PXDNL: variants seen among roughly 807,000 people sequenced by gnomAD.
PXDNL encodes the protein peroxidasin like, also known as probable oxidoreductase PXDNL.
PXDNL carries 145 observed loss-of-function variants against 150.8 expected under a neutral mutation model. The ratio of observed to expected loss-of-function variants is 0.96; its 90% CI spans 0.84 to 1.10. PXDNL has a LOEUF of 1.10. PXDNL is among the 50% of genes least tolerant of loss of function. The probability of loss-of-function intolerance (pLI) is 0.00; values close to 1 mark genes in which losing one functional copy is unlikely to be tolerated. For synonymous variants in PXDNL, 757 were observed against 725.7 expected (o/e 1.04, Z -0.69); for missense variants, 2,087 against 1,873.9 (o/e 1.11, Z -2.10).
intron 18 of PXDNL, among the ~76,000 whole-genome samples, chr8:51,374,000 T>C (rs1807216272): frequency 6.6e-6 from 1 of 152,246 alleles, no homozygotes. Context: ...ATTTCATGAT[T>C]AAATTTATTT....
At position 51,525,440 on chromosome 8, in the gene PXDNL, T is replaced by G. The variant is rs79222930; in HGVS notation, c.381-25670A>C. The stretch of plus-strand genomic sequence containing the variant: ...TAACATTTGTCACTGCCCCTCGGTC[T>G]GCTTCGCTCTCTATCTGTAATCACA... On this transcript the variant is annotated intron_variant, in intron 4 of 22. Coordinates refer to ENST00000356297, the MANE Select transcript of PXDNL (RefSeq NM_144651.5). 7.4e-4 allele frequency among the ~76,000 whole-genome samples: 113 copies of G among 152,348 alleles called. No homozygotes were observed. The East Asian group carries it at 0.011, about 15-fold the overall frequency.
intron 21 of PXDNL, among the ~76,000 whole-genome samples, chr8:51,339,212 C>G (rs1173581382): frequency 6.6e-6 from 1 of 152,232 alleles, no homozygotes; most frequent in Non-Finnish European, 1.5e-5. Context: ...GTAATCCCAG[C>G]ACTTTGGGAG....
chr8:51,645,481 C>G (rs866204644), intron 2 of PXDNL, among the ~76,000 whole-genome samples: 4 of 152,116 alleles, frequency 2.6e-5, no homozygotes, highest in Non-Finnish European at 5.9e-5. Context: ...GCTTGAGGAG[C>G]TGGTAAAAAG....
Position 51,457,506 on chromosome 8 carries a change from C to T in PXDNL, c.974G>A (p.Ser325Asn). 1 of 1,606,772 alleles carries T rather than the reference C, an allele frequency of 6.2e-7. No homozygotes were observed. Among genetic ancestry groups the T allele is most frequent in the South Asian group, 1.1e-5 (1 of 89,274 alleles). ...KTQSAMLRYS[S>N]LPAKPSFVIQ... ...GAAAATAATAGTTTTACCTGGAAGA[C>T]TGGAGTATCTGAGCATGGCACTCTG... The change falls in exon 9 of 23, where the codon AGT becomes AAT. Residue 325 changes from serine (S) to asparagine (N), a missense_variant. Physicochemically the swap from Ser to Asn is conservative, Grantham distance 46 (BLOSUM62 1). Coordinates refer to ENST00000356297, the MANE Select transcript of PXDNL (RefSeq NM_144651.5).
chr8:51,662,746 A>G (rs1202637240), intron 1 of PXDNL, among the ~76,000 whole-genome samples: 3 of 152,052 alleles, frequency 2.0e-5, no homozygotes, highest in African/African-American at 7.2e-5. Context: ...CCAGGGACCA[A>G]TCCCCCTCAG....
At chr8:51,396,718 A>G (rs895881865) in intron 17 of PXDNL, among the ~76,000 whole-genome samples, 6 of 152,214 alleles carry the variant, frequency 3.9e-5, no homozygotes, top group African/African-American at 1.4e-4. Flanking sequence ...AGATTGCACC[A>G]TTGCATTCCA....
chr8:51,340,784 G>A (rs1174646918), intron 20 of PXDNL, among the ~76,000 whole-genome samples: 1 of 152,234 alleles, frequency 6.6e-6, no homozygotes, highest in Non-Finnish European at 1.5e-5. Flanking sequence ...CCATGAATCA[G>A]TACTGACCAC....
intron 4 of PXDNL, among the ~76,000 whole-genome samples, chr8:51,553,335 T>C (rs1272304772): frequency 6.6e-6 from 1 of 152,222 alleles, no homozygotes; most frequent in Admixed American, 6.5e-5. Flanking sequence ...TGTACTCGTA[T>C]GGACTGTCTG....
At chr8:51,583,252 C>A (rs528608692) in intron 3 of PXDNL, among the ~76,000 whole-genome samples, 1 of 152,004 alleles carries the variant, frequency 6.6e-6, no homozygotes, top group Admixed American at 6.6e-5. Context: ...AGGAACATGG[C>A]GCCAGCATCT....
At chr8:51,796,386 G>A (rs577798797) in intron 1 of PXDNL, among the ~76,000 whole-genome samples, 11 of 146,484 alleles carry the variant, frequency 7.5e-5, no homozygotes, top group African/African-American at 1.5e-4. Flanking sequence ...GAATACACGA[G>A]CTGGTGTTTT....
intron 1 of PXDNL, among the ~76,000 whole-genome samples, chr8:51,796,905 T>G (rs1410733448): frequency 6.6e-6 from 1 of 152,052 alleles, no homozygotes; most frequent in Non-Finnish European, 1.5e-5. Flanking sequence ...CCTTGATGAG[T>G]ATCAATGCAA....
At chr8:51,683,662 A>T (rs1459452969) in intron 1 of PXDNL, among the ~76,000 whole-genome samples, 1 of 152,014 alleles carries the variant, frequency 6.6e-6, no homozygotes, top group Non-Finnish European at 1.5e-5. Context: ...CTCCCCTAAG[A>T]GGTGGTTTTT....
chr8:51,541,795 A>G lies in PXDNL; in HGVS notation c.380+15045T>C, dbSNP rs77257101. 2.2e-3 allele frequency among the ~76,000 whole-genome samples: 331 copies of G among 152,256 alleles called. 1 individual carries two copies. The highest frequency in any genetic ancestry group is 7.5e-3 in the African/African-American group (312 of 41,552). On this transcript the variant is annotated intron_variant, in intron 4 of 22. Transcript: ENST00000356297. Reference sequence around the variant, plus strand: ...CTGGAAAACACCAGAGAAAACTCACAGAGATCACCCCGTGTGTCCCTTCCC... The same window carrying G: ...CTGGAAAACACCAGAGAAAACTCACGGAGATCACCCCGTGTGTCCCTTCCC...
intron 17 of PXDNL, among the ~76,000 whole-genome samples, chr8:51,379,106 T>A (rs535171135): frequency 1.2e-4 from 18 of 152,308 alleles, no homozygotes; most frequent in African/African-American, 3.8e-4. Flanking sequence ...GAGATTTTTT[T>A]AATTAGTTTC....
rs567880285 is a variant in PXDNL, at chr8:51,445,014, C to G, written c.1525+1990G>C. ...CTCCACCTCCCAGGTTCAAACGATT[C>G]TCCCTCCTCAGCCTCCCACCTCAGC... On this transcript the variant is annotated intron_variant, in intron 12 of 22. Transcript: ENST00000356297. Among the ~76,000 whole-genome samples, 6 of 151,948 alleles carry G rather than the reference C, an allele frequency of 3.9e-5. No individual in the cohort carries two copies. In the East Asian group the frequency reaches 1.2e-3, roughly 29 times the overall value.
intron 1 of PXDNL, among the ~76,000 whole-genome samples, chr8:51,789,487 G>C (rs956642235): frequency 6.6e-6 from 1 of 152,076 alleles, no homozygotes; most frequent in African/African-American, 2.4e-5. Flanking sequence ...TCATTATATA[G>C]AGGGAGAAAA....
At chr8:51,736,210 T>C (rs1483646332) in intron 1 of PXDNL, among the ~76,000 whole-genome samples, 1 of 152,236 alleles carries the variant, frequency 6.6e-6, no homozygotes, top group Non-Finnish European at 1.5e-5. Context: ...TCGCACAGAA[T>C]ATGGCATTGT....
intron 1 of PXDNL, among the ~76,000 whole-genome samples, chr8:51,742,397 A>T (rs1469900540): frequency 6.6e-6 from 1 of 152,178 alleles, no homozygotes; most frequent in African/African-American, 2.4e-5. Context: ...GTACACATAA[A>T]AACAGAAAAT....
At chr8:51,738,534 T>A (rs1460179108) in intron 1 of PXDNL, among the ~76,000 whole-genome samples, 1 of 152,038 alleles carries the variant, frequency 6.6e-6, no homozygotes, top group Non-Finnish European at 1.5e-5. Flanking sequence ...AATTTTATAT[T>A]GCAACTTAGC....
Sources: allele counts gnomAD v4.1 joint callset (sites outside exome capture counted in the v4.1 genomes callset), GRCh38; gene constraint gnomAD v4.1.1; transcripts MANE v1.5; gene names NCBI Gene and HGNC (gene_info 2026-07-23, HGNC 2026-07-21).